MYO10: variants seen among roughly 807,000 people sequenced by gnomAD.
The protein encoded by MYO10 is myosin X.
MYO10 carries 133 observed loss-of-function variants against 257.3 expected under a neutral mutation model. That is an observed-to-expected ratio of 0.52 (90% CI 0.45 to 0.60). The LOEUF (loss-of-function observed/expected upper bound fraction) is 0.60. MYO10 is among the 20% of genes least tolerant of loss of function. The pLI, the probability that MYO10 is intolerant of heterozygous loss-of-function variation, is 0.00. For missense variants in MYO10, 2,399 were observed against 2,635.7 expected, an observed-to-expected ratio of 0.91 and a Z score of 1.97; for synonymous variants, 1,104 against 1,028.6, an observed-to-expected ratio of 1.07 and a Z score of -1.40.
intron 21 of MYO10, among the ~76,000 whole-genome samples, chr5:16,705,638 G>A (rs73051043): frequency 0.013 from 2,014 of 151,948 alleles, 53 homozygotes; most frequent in African/African-American, 0.047. Context: ...TTTACTTTAC[G>A]CTTCCATGCG....
chr5:16,697,621 C>A (rs1737815027), intron 26 of MYO10, among the ~76,000 whole-genome samples: 1 of 151,922 alleles, frequency 6.6e-6, no homozygotes, highest in Admixed American at 6.6e-5. Context: ...TCACTTGAAC[C>A]CCGGGGGTGG....
chr5:16,934,559 C>A (rs1282621635), intron 1 of MYO10, among the ~76,000 whole-genome samples: 1 of 152,106 alleles, frequency 6.6e-6, no homozygotes, highest in Non-Finnish European at 1.5e-5. Context: ...AAAATGCGAG[C>A]GTCTCACAAT....
At chr5:16,859,932 A>G (rs960703933) in intron 2 of MYO10, among the ~76,000 whole-genome samples, 1 of 152,110 alleles carries the variant, frequency 6.6e-6, no homozygotes, top group African/African-American at 2.4e-5. Context: ...GAAACAGGTA[A>G]GGGAAATTTC....
chr5:16,688,775 G>A (rs256935), intron 28 of MYO10, among the ~76,000 whole-genome samples: 60,110 of 150,896 alleles, frequency 0.4, 13,126 homozygotes, highest in African/African-American at 0.59. Context: ...GATGTTCTCT[G>A]GCATTGCTCA....
At chr5:16,767,687 T>C (rs1218970507) in intron 10 of MYO10, among the ~76,000 whole-genome samples, 1 of 151,230 alleles carries the variant, frequency 6.6e-6, no homozygotes, top group Non-Finnish European at 1.5e-5. Flanking sequence ...AAGTTTTCAC[T>C]TTTTTTTTGA....
intron 27 of MYO10, among the ~76,000 whole-genome samples, 154 bp downstream of exon 27, chr5:16,694,217 C>T (rs983468278): frequency 4.6e-5 from 7 of 152,204 alleles, no homozygotes; most frequent in African/African-American, 1.4e-4. Context: ...AGTCTTGCTT[C>T]CCAGTTTCCT....
At position 16,663,328 on chromosome 5, in the gene MYO10, G is replaced by GTTTGTTTTTTTTTTTTTT. The variant is rs1736042206; in HGVS notation, c.*3363_*3364insAAAAAAAAAAAAAACAAA. ...AAAAAGTAACATTTTACTTCTAGTT[G>GTTTGTTTTTTTTTTTTTT]TTTTTTTTTTTTTTTTTTTTTTTTT... is the stretch of plus-strand genomic sequence containing the variant. On this transcript the variant is annotated 3_prime_UTR_variant, in exon 41 of 41. Transcript: ENST00000513610. The GTTTGTTTTTTTTTTTTTT allele has an allele frequency of 2.6e-5, 2 of 76,888 alleles. No individual in the cohort carries two copies. The highest frequency in any genetic ancestry group is 1.3e-4 in the African/African-American group (2 of 15,498). The allele number at this position is 76,888 out of a possible 1,614,324, so 4.8% of individuals were successfully genotyped here.
intron 2 of MYO10, among the ~76,000 whole-genome samples, chr5:16,834,149 T>C (rs577562745): frequency 6.6e-6 from 1 of 152,202 alleles, no homozygotes; most frequent in Admixed American, 6.6e-5. Context: ...ACCCTCCCAG[T>C]CACCCCTCTT....
At chr5:16,712,591 A>G (rs1738671078) in intron 19 of MYO10, among the ~76,000 whole-genome samples, 1 of 152,266 alleles carries the variant, frequency 6.6e-6, no homozygotes, top group South Asian at 2.1e-4. Context: ...TGCAGTCATT[A>G]ACACAGAATT....
At chr5:16,793,875 G>A (rs1326413127) in intron 4 of MYO10, among the ~76,000 whole-genome samples, 1 of 150,312 alleles carries the variant, frequency 6.7e-6, no homozygotes, top group African/African-American at 2.5e-5. Context: ...AGGTTGCAGT[G>A]AGCTGAGATC....
chr5:16,783,565 T>TGGTA, intron 4 of MYO10, 96 bp from the exon 5 acceptor site: 1 of 1,320,170 alleles, frequency 7.6e-7, no homozygotes, highest in South Asian at 1.3e-5. Flanking sequence ...AACAGAACAA[T>TGGTA]GGTAGAAAGG....
chr5:16,686,527 C>T (rs1378838159), intron 28 of MYO10, among the ~76,000 whole-genome samples: 2 of 151,916 alleles, frequency 1.3e-5, no homozygotes, highest in African/African-American at 2.4e-5. Context: ...TTGGAATGGC[C>T]ACTAGATGTC....
At position 16,922,535 on chromosome 5, in the gene MYO10, G is replaced by A. The variant is rs144268443; in HGVS notation, c.21+13253C>T. Among the ~76,000 whole-genome samples, 223 of 152,318 alleles carry A rather than the reference G, an allele frequency of 1.5e-3. 1 individual carries two copies. Among genetic ancestry groups the A allele is most frequent in the African/African-American group, 5.1e-3 (210 of 41,564 alleles). On this transcript the variant is annotated intron_variant, in intron 1 of 40. Coordinates refer to ENST00000513610, the MANE Select transcript of MYO10 (RefSeq NM_012334.3). ...TATGTTACTGGTCTAAAAGGAGTGT[G>A]TGACCCATTCAGCAACCTCTAGGGT...
intron 2 of MYO10, among the ~76,000 whole-genome samples, chr5:16,860,957 A>G (rs1744091646): frequency 6.6e-6 from 1 of 152,192 alleles, no homozygotes; most frequent in Non-Finnish European, 1.5e-5. Flanking sequence ...TAAGGCAATT[A>G]TTTTGATACG....
chr5:16,749,697 C>T (rs1336385755), intron 19 of MYO10, among the ~76,000 whole-genome samples: 2 of 152,186 alleles, frequency 1.3e-5, no homozygotes, highest in Admixed American at 6.5e-5. Context: ...CTAGAATCTG[C>T]ATCCTGGACA....
chr5:16,761,915 A>T (rs56407231), intron 16 of MYO10, 130 bp downstream of exon 16: 6 of 950,974 alleles, frequency 6.3e-6, no homozygotes, highest in Non-Finnish European at 7.5e-6. Flanking sequence ...AGCCTCCCAA[A>T]GTACTGGGAC....
Position 16,936,113 on chromosome 5 carries a change from G to T in MYO10, c.-305C>A. On this transcript the variant is annotated 5_prime_UTR_variant, in exon 1 of 41. Transcript: ENST00000513610. ...TGGCACATTCTTCCCCCAGGCGGGGGAAGGCGGCGGGGTGCTGGCGAGCGC... is the reference window on the plus strand; with the variant it reads ...TGGCACATTCTTCCCCCAGGCGGGGTAAGGCGGCGGGGTGCTGGCGAGCGC... 2.4e-6 allele frequency: 1 copy of T among 422,990 alleles called. No individual in the cohort carries two copies. Among genetic ancestry groups the T allele is most frequent in the Non-Finnish European group, 4.3e-6 (1 of 235,110 alleles). The allele number at this position is 422,990 out of a possible 1,614,324, so 26.2% of individuals were successfully genotyped here.
intron 19 of MYO10, among the ~76,000 whole-genome samples, chr5:16,744,329 G>A (rs1358202817): frequency 3.9e-5 from 6 of 152,098 alleles, no homozygotes; most frequent in Admixed American, 3.9e-4. Flanking sequence ...CCCTCAGTAG[G>A]TACTGTCAAT....
At chr5:16,797,664 A>C (rs1232964085) in intron 3 of MYO10, among the ~76,000 whole-genome samples, 1 of 152,232 alleles carries the variant, frequency 6.6e-6, no homozygotes, top group Non-Finnish European at 1.5e-5. Context: ...GATCCATGCT[A>C]CAATGTGAAT....
Sources: gnomAD v4.1 joint callset for allele counts (sites outside exome capture counted in the v4.1 genomes callset) on GRCh38, gnomAD v4.1.1 for gene constraint, MANE v1.5 for transcripts, NCBI Gene and HGNC (gene_info 2026-07-23, HGNC 2026-07-21) for gene names.